Variants in NUCB2 observed in about 807,000 individuals in gnomAD.
The protein encoded by NUCB2 is nucleobindin-2.
NUCB2 carries 48 observed loss-of-function variants against 57.9 expected under a neutral mutation model. That is an observed-to-expected ratio of 0.83 (90% confidence interval 0.66 to 1.05). The LOEUF is 1.05. Ranked by LOEUF, NUCB2 falls within the 50% of genes least tolerant of loss-of-function variation. NUCB2 has a pLI of 0.00. For synonymous variants in NUCB2, 139 were observed against 152.1 expected (o/e 0.91, Z 0.64); for missense variants, 442 against 476.2 (o/e 0.93, Z 0.67).
intron 11 of NUCB2, among the ~76,000 whole-genome samples, chr11:17,318,109 G>A (rs1949524442): frequency 6.6e-6 from 1 of 151,498 alleles, no homozygotes; most frequent in South Asian, 2.1e-4. Flanking sequence ...AACCTGCCTG[G>A]GCTCAAGTGA....
Position 17,285,238 on chromosome 11 carries a change from T to C in NUCB2, c.-1+2295T>C, listed in dbSNP as rs555419263. 1.8e-4 allele frequency among the ~76,000 whole-genome samples: 27 copies of C among 150,190 alleles called. No individual in the cohort carries two copies. The South Asian group carries it at 1.9e-3, about 11-fold the overall frequency. ...GTCAGGAGATCAAGACCATCCTGGC[T>C]AACATGGTGAAACCCCGTCTCTACT... On this transcript the variant is annotated intron_variant, in intron 2 of 13. Transcript: ENST00000529010.
chr11:17,329,594 C>T (rs1160883072), intron 11 of NUCB2, among the ~76,000 whole-genome samples: 2 of 152,226 alleles, frequency 1.3e-5, no homozygotes, highest in African/African-American at 4.8e-5. Flanking sequence ...TAAAGTCCCC[C>T]AGTCGCTATG....
At position 17,311,872 on chromosome 11, in the gene NUCB2, A is replaced by G; in HGVS notation, c.761A>G (p.Asp254Gly). 1 of 1,568,892 alleles carries G rather than the reference A, an allele frequency of 6.4e-7. No individual in the cohort carries two copies. Among genetic ancestry groups the G allele is most frequent in the South Asian group, 1.2e-5 (1 of 83,700 alleles). ...TGCATTTGTAACTTTTAAACTTTAG[A>G]TGTCAATAGTGATGGATTCCTGGAT... ...FDPKTFFKLH[D>G]VNSDGFLDEQ... Residue 254 changes from aspartate (D) to glycine (G), a missense_variant and splice_region_variant, in exon 9 of 14, where the codon GAT (aspartate) becomes GGT (glycine). Physicochemically the swap from Asp to Gly is moderately conservative, Grantham distance 94 (BLOSUM62 -1). Transcript: ENST00000529010.
intron 2 of NUCB2, among the ~76,000 whole-genome samples, chr11:17,289,815 A>G (rs1399166090): frequency 6.6e-6 from 1 of 152,238 alleles, no homozygotes; most frequent in Non-Finnish European, 1.5e-5. Context: ...GTAAAAGAAC[A>G]TCAGGATTTT....
chr11:17,286,888 T>C (rs1943829849), intron 2 of NUCB2, among the ~76,000 whole-genome samples: 1 of 152,208 alleles, frequency 6.6e-6, no homozygotes, highest in South Asian at 2.1e-4. Flanking sequence ...TTTGTGTCAT[T>C]ATTTTTCTGC....
At chr11:17,287,961 G>A (rs1287585401) in intron 2 of NUCB2, among the ~76,000 whole-genome samples, 2 of 152,140 alleles carry the variant, frequency 1.3e-5, no homozygotes, top group Non-Finnish European at 2.9e-5. Flanking sequence ...TCGCGGCACT[G>A]CACTCCAGCA....
intron 2 of NUCB2, among the ~76,000 whole-genome samples, chr11:17,293,531 AT>A (rs745779043): frequency 1.3e-5 from 2 of 152,210 alleles, no homozygotes; most frequent in Non-Finnish European, 2.9e-5. Flanking sequence ...TGACTCAGCA[AT>A]TCTACTCCTA....
chr11:17,322,400 G>A (rs568743006), intron 11 of NUCB2, among the ~76,000 whole-genome samples: 2 of 152,250 alleles, frequency 1.3e-5, no homozygotes, highest in South Asian at 4.1e-4. Context: ...TGAGTTTACA[G>A]TAGGTGTGTG....
chr11:17,311,794 C>G, intron 8 of NUCB2, 78 bp from the exon 9 acceptor site: 1 of 978,674 alleles, frequency 1.0e-6, no homozygotes, highest in Non-Finnish European at 1.5e-6. Context: ...TTTTGTAAAC[C>G]CTTTATAAAT....
chr11:17,346,203 G>A (rs887751017), intron 2 of NUCB2, among the ~76,000 whole-genome samples: 1 of 152,206 alleles, frequency 6.6e-6, no homozygotes, highest in Non-Finnish European at 1.5e-5. Context: ...TGGCTAGTAA[G>A]TGGTTATCCA....
At chr11:17,279,451 C>T (rs768726613) in intron 1 of NUCB2, among the ~76,000 whole-genome samples, 16 of 152,200 alleles carry the variant, frequency 1.1e-4, no homozygotes, top group Non-Finnish European at 1.9e-4. Context: ...CCTCCTTTAT[C>T]CTAGAGGGAT....
intron 2 of NUCB2, among the ~76,000 whole-genome samples, chr11:17,287,768 G>A (rs1317454472): frequency 6.6e-6 from 1 of 152,134 alleles, no homozygotes; most frequent in Admixed American, 6.5e-5. Context: ...GGGAGGCCAA[G>A]TTGCATGGAT....
At chr11:17,280,929 T>C (rs1337381279) in intron 1 of NUCB2, among the ~76,000 whole-genome samples, 1 of 152,110 alleles carries the variant, frequency 6.6e-6, no homozygotes, top group Non-Finnish European at 1.5e-5. Context: ...TAGTTCCAGC[T>C]ACTCTGGAGG....
At chr11:17,346,564 A>G (rs1952756868) in intron 2 of NUCB2, among the ~76,000 whole-genome samples, 1 of 152,234 alleles carries the variant, frequency 6.6e-6, no homozygotes, top group South Asian at 2.1e-4. Flanking sequence ...GAACCATTTA[A>G]TAAGATAGCA....
intron 11 of NUCB2, among the ~76,000 whole-genome samples, chr11:17,329,282 C>G (rs945237404): frequency 2.0e-5 from 3 of 152,192 alleles, no homozygotes; most frequent in Non-Finnish European, 4.4e-5. Context: ...TTCCCTTAGC[C>G]TCACCAGCTG....
intron 2 of NUCB2, among the ~76,000 whole-genome samples, chr11:17,287,397 C>A (rs897632085): frequency 6.6e-6 from 1 of 151,942 alleles, no homozygotes; most frequent in African/African-American, 2.4e-5. Flanking sequence ...TAAGGCCGGG[C>A]GTGGTGGCTC....
At chr11:17,307,210 C>T (rs538134999) in intron 5 of NUCB2, among the ~76,000 whole-genome samples, 21 of 148,978 alleles carry the variant, frequency 1.4e-4, no homozygotes, top group African/African-American at 4.2e-4. Context: ...GGCCCATTCA[C>T]GTGGTTCAAA....
At position 17,315,483 on chromosome 11, in the gene NUCB2, A is replaced by G. The variant is rs1468468383; in HGVS notation, c.1002+8A>G. The G allele has an allele frequency of 2.6e-6, 4 of 1,552,520 alleles. No homozygotes were observed. The highest frequency in any genetic ancestry group is 1.4e-5 in the African/African-American group (1 of 73,488). Reference sequence around the variant, plus strand: ...GAGCCAGATAGCTGGGAGGTAATAGAACCTACTCTAAATGAGATGTATGGT... The same window carrying G: ...GAGCCAGATAGCTGGGAGGTAATAGGACCTACTCTAAATGAGATGTATGGT... On this transcript the variant is annotated splice_region_variant and intron_variant, in intron 11 of 13. Coordinates refer to ENST00000529010, the MANE Select transcript of NUCB2 (RefSeq NM_005013.4).
At chr11:17,345,345 G>C (rs1952628052) in intron 2 of NUCB2, among the ~76,000 whole-genome samples, 1 of 152,110 alleles carries the variant, frequency 6.6e-6, no homozygotes, top group African/African-American at 2.4e-5. Flanking sequence ...ATTTTAAAGA[G>C]CTTTTATTTG....
Sources: allele counts gnomAD v4.1 joint callset (sites outside exome capture counted in the v4.1 genomes callset), GRCh38; gene constraint gnomAD v4.1.1; transcripts MANE v1.5; gene names NCBI Gene and HGNC (gene_info 2026-07-23, HGNC 2026-07-21).